The following CADPS variants were observed in gnomAD, a reference collection of about 807,000 sequenced individuals.
CADPS encodes calcium dependent secretion activator, also known as calcium-dependent secretion activator 1.
Under a neutral mutation model 167.3 loss-of-function variants are expected in CADPS, and 57 were observed. The observed-to-expected ratio is 0.34, with a 90% CI of 0.28 to 0.42. The LOEUF is 0.42. CADPS is among the 20% of genes least tolerant of loss of function. The pLI is 1.00. For missense variants in CADPS, 1,414 were observed against 1,738.1 expected (o/e 0.81, Z 3.32); for synonymous variants, 676 against 635.3 (o/e 1.06, Z -0.96).
At chr3:62,546,443 T>G (rs1181707702) in intron 11 of CADPS, among the ~76,000 whole-genome samples, 1 of 152,084 alleles carries the variant, frequency 6.6e-6, no homozygotes, top group Non-Finnish European at 1.5e-5. Flanking sequence ...ACACTGTGGG[T>G]TTGACTGAGT....
intron 26 of CADPS, 47 bp from the exon 27 acceptor site, chr3:62,445,844 A>G (rs2057134847): frequency 1.5e-6 from 2 of 1,365,326 alleles, no homozygotes; most frequent in Admixed American, 2.7e-5. Flanking sequence ...GTTTATGTTT[A>G]ATTGTTCACT....
intron 1 of CADPS, among the ~76,000 whole-genome samples, chr3:62,800,511 A>G (rs1012639158): frequency 1.3e-4 from 20 of 152,176 alleles, no homozygotes; most frequent in Non-Finnish European, 2.5e-4. Flanking sequence ...TACTGGGAAG[A>G]TATTTTAAAT....
chr3:62,541,498 A>G (rs2075688614), intron 11 of CADPS, among the ~76,000 whole-genome samples: 1 of 152,136 alleles, frequency 6.6e-6, no homozygotes, highest in Non-Finnish European at 1.5e-5. Flanking sequence ...GGTTTCTATG[A>G]CATAGATGCA....
intron 1 of CADPS, among the ~76,000 whole-genome samples, chr3:62,832,569 T>A (rs2152995029): frequency 6.6e-6 from 1 of 152,276 alleles, no homozygotes; most frequent in Admixed American, 6.5e-5. Context: ...GGAGCAGAGT[T>A]TTCACCTAGC....
intron 3 of CADPS, among the ~76,000 whole-genome samples, chr3:62,675,942 CA>C (rs1249552763): frequency 6.6e-6 from 1 of 152,018 alleles, no homozygotes; most frequent in African/African-American, 2.4e-5. Flanking sequence ...CTCTCCTCCC[CA>C]ATTACTGTAA....
chr3:62,798,706 C>T (rs2093597328), intron 1 of CADPS, among the ~76,000 whole-genome samples: 1 of 152,086 alleles, frequency 6.6e-6, no homozygotes, highest in Admixed American at 6.6e-5. Flanking sequence ...CTCAATATCC[C>T]TAGGATGTGT....
chr3:62,736,063 C>A (rs984304105), intron 3 of CADPS, among the ~76,000 whole-genome samples: 3 of 152,190 alleles, frequency 2.0e-5, no homozygotes, highest in Non-Finnish European at 4.4e-5. Flanking sequence ...AGAAGTACCA[C>A]AAGACTGCAA....
At chr3:62,490,403 C>A (rs1345962129) in intron 21 of CADPS, among the ~76,000 whole-genome samples, 1 of 152,184 alleles carries the variant, frequency 6.6e-6, no homozygotes, top group Non-Finnish European at 1.5e-5. Flanking sequence ...CCATCAAACT[C>A]TCCATATAGG....
chr3:62,539,954 G>T (rs1185743758), intron 11 of CADPS, among the ~76,000 whole-genome samples: 1 of 152,100 alleles, frequency 6.6e-6, no homozygotes, highest in African/African-American at 2.4e-5. Flanking sequence ...GGCCTCATTT[G>T]TAAAATGAAG....
chr3:62,699,081 C>T (rs576110830), intron 3 of CADPS, among the ~76,000 whole-genome samples: 9 of 152,114 alleles, frequency 5.9e-5, no homozygotes, highest in African/African-American at 2.2e-4. Flanking sequence ...GCATTGTACA[C>T]TGTACCGGAT....
intron 4 of CADPS, among the ~76,000 whole-genome samples, chr3:62,661,353 T>A (rs779395273): frequency 7.2e-6 from 1 of 138,578 alleles, no homozygotes; most frequent in East Asian, 3.7e-4. Context: ...AGTCAGGTAC[T>A]GAAGGCTGAG....
At chr3:62,765,162 C>T (rs2086523041) in intron 2 of CADPS, among the ~76,000 whole-genome samples, 1 of 152,112 alleles carries the variant, frequency 6.6e-6, no homozygotes, top group Non-Finnish European at 1.5e-5. Context: ...ATGGCATGTC[C>T]ACTTCATAAT....
chr3:62,809,107 G>A (rs1576696977), intron 1 of CADPS, among the ~76,000 whole-genome samples: 1 of 152,126 alleles, frequency 6.6e-6, no homozygotes, highest in Non-Finnish European at 1.5e-5. Flanking sequence ...CTGCACTGCT[G>A]CCACTTGAAT....
chr3:62,855,515 G>C (rs995858339), intron 1 of CADPS, among the ~76,000 whole-genome samples: 1 of 152,104 alleles, frequency 6.6e-6, no homozygotes, highest in African/African-American at 2.4e-5. Context: ...ACCAAGCAAA[G>C]TTATTAATTT....
chr3:62,414,655 T>C (rs2049658426), intron 28 of CADPS, among the ~76,000 whole-genome samples: 1 of 152,114 alleles, frequency 6.6e-6, no homozygotes, highest in South Asian at 2.1e-4. Context: ...GGCTTTGGGG[T>C]CTGGGAATAG....
intron 6 of CADPS, among the ~76,000 whole-genome samples, chr3:62,641,333 T>C (rs1024272224): frequency 2.0e-5 from 3 of 152,160 alleles, no homozygotes; most frequent in Non-Finnish European, 2.9e-5. Context: ...GAAAAATAAA[T>C]GGTAAAGGAG....
chr3:62,593,870 T>C (rs550546997), intron 6 of CADPS, among the ~76,000 whole-genome samples: 1 of 152,234 alleles, frequency 6.6e-6, no homozygotes, highest in Non-Finnish European at 1.5e-5. Context: ...CATTGTTTTA[T>C]AGCAGAATCC....
chr3:62,791,752 T>G (rs1260962986), intron 1 of CADPS, among the ~76,000 whole-genome samples: 1 of 152,214 alleles, frequency 6.6e-6, no homozygotes, highest in East Asian at 1.9e-4. Context: ...TGGCAGATAA[T>G]TACCTTTCAA....
In CADPS at chr3:62,544,425, A is replaced by AAACAAC. The variant is rs146758720; in HGVS notation, c.1966+5472_1966+5477dup. On this transcript the variant is annotated intron_variant, in intron 11 of 29. Transcript: ENST00000383710. The surrounding 1 kb of genome is among the most constrained non-coding windows in gnomAD (Gnocchi z 4.4). ...TCGAATCTTTGGAATGGGAAAGGAA[A>AAACAAC]AACAACAACAACAACAACAACAACA... Among the ~76,000 whole-genome samples the AAACAAC allele has an allele frequency of 5.9e-3, 902 of 151,864 alleles. 3 individuals carry two copies. Among genetic ancestry groups the AAACAAC allele is most frequent in the Non-Finnish European group, 9.5e-3 (645 of 67,946 alleles).
Sources: gnomAD v4.1 joint callset for allele counts (sites outside exome capture counted in the v4.1 genomes callset) on GRCh38, gnomAD v4.1.1 for gene constraint, Gnocchi (gnomAD v3.1) non-coding constraint, MANE v1.5 for transcripts, NCBI Gene and HGNC (gene_info 2026-07-23, HGNC 2026-07-21) for gene names.